The following KIAA1217 variants were observed in gnomAD, a reference collection of about 807,000 sequenced individuals.
The protein encoded by KIAA1217 is sickle tail protein homolog.
KIAA1217 carries 88 observed loss-of-function variants against 163.9 expected under a neutral mutation model. The observed-to-expected ratio is 0.54, with a 90% CI of 0.45 to 0.64. The LOEUF (loss-of-function observed/expected upper bound fraction) is 0.64. Ranked by LOEUF, KIAA1217 falls within the 30% of genes least tolerant of loss-of-function variation. The probability of loss-of-function intolerance (pLI) is 0.00; values close to 1 mark genes in which losing one functional copy is unlikely to be tolerated. For missense variants in KIAA1217, 2,372 were observed against 2,475.0 expected (o/e 0.96, Z 0.88); for synonymous variants, 903 against 923.1 (o/e 0.98, Z 0.39).
At chr10:24,538,385 G>A (rs1446306765) in intron 17 of KIAA1217, among the ~76,000 whole-genome samples, 2 of 152,042 alleles carry the variant, frequency 1.3e-5, no homozygotes, top group African/African-American at 2.4e-5. Flanking sequence ...TGTTTCTCAT[G>A]AAGAAAACCT....
intron 2 of KIAA1217, among the ~76,000 whole-genome samples, chr10:24,343,810 T>A (rs1478470778): frequency 6.6e-6 from 1 of 152,228 alleles, no homozygotes; most frequent in Non-Finnish European, 1.5e-5. Flanking sequence ...GCCAAGTGGC[T>A]AGTCAACAGT....
chr10:24,094,713 G>A (rs1020674046), intron 2 of KIAA1217, among the ~76,000 whole-genome samples: 4 of 152,300 alleles, frequency 2.6e-5, no homozygotes, highest in South Asian at 4.1e-4. Context: ...GCAGTCTGCC[G>A]GTTCTCAGAT....
At chr10:24,194,410 C>A (rs578140075) in intron 2 of KIAA1217, among the ~76,000 whole-genome samples, 210 of 147,662 alleles carry the variant, frequency 1.4e-3, no homozygotes, top group African/African-American at 5.0e-3. Context: ...AGACCTCAAC[C>A]TCCTGGCCTC....
chr10:24,309,341 C>CGT (rs1564446935), intron 2 of KIAA1217, among the ~76,000 whole-genome samples: 2 of 57,228 alleles, frequency 3.5e-5, no homozygotes, highest in African/African-American at 1.0e-4. Flanking sequence ...GGCGCGCGCA[C>CGT]GCGCGCGCGC....
intron 5 of KIAA1217, chr10:24,466,834 T>G: frequency 2.1e-6 from 2 of 969,038 alleles, no homozygotes; most frequent in Non-Finnish European, 2.5e-6. Context: ...TGTCTTAAGA[T>G]TCCATTTCAG....
chr10:24,537,849 AT>A (rs1261751182), intron 17 of KIAA1217, among the ~76,000 whole-genome samples: 1 of 152,200 alleles, frequency 6.6e-6, no homozygotes, highest in Non-Finnish European at 1.5e-5. Flanking sequence ...CTGTCATTGT[AT>A]AAGTAAGCAC....
chr10:24,218,108 T>TGAAGAGAG (rs1223143651), intron 1 of KIAA1217, among the ~76,000 whole-genome samples: 53 of 152,222 alleles, frequency 3.5e-4, no homozygotes, highest in Admixed American at 1.4e-3. Flanking sequence ...CCTGACTTCA[T>TGAAGAGAG]GAAGAGAGCC....
intron 3 of KIAA1217, among the ~76,000 whole-genome samples, chr10:24,412,998 T>A (rs914054395): frequency 6.6e-6 from 1 of 152,254 alleles, no homozygotes; most frequent in African/African-American, 2.4e-5. Context: ...TCTTTACTCA[T>A]CTTTCGATCT....
Position 24,195,359 on chromosome 10 carries a change from C to A in KIAA1217, c.-170-24267C>A, listed in dbSNP as rs542253490. ...ATTAGGAGATGGCTCAGGAGTATTT[C>A]TCCTTGTTCCAGCTGAAGCCCAAAT... is the stretch of plus-strand genomic sequence containing the variant. On this transcript the variant is annotated intron_variant, in intron 2 of 18. Transcript: ENST00000376462. Among the ~76,000 whole-genome samples the A allele has an allele frequency of 2.6e-5, 4 of 152,292 alleles. No individual in the cohort carries two copies. The East Asian group carries it at 7.7e-4, about 29-fold the overall frequency.
At position 23,702,666 on chromosome 10, in the gene KIAA1217, TACACACACACAC is replaced by T. The variant is rs377621544; in HGVS notation, c.-321+7464_-321+7475del. ...TAGTTTACTTAACAGAACAGGAGAA[TACACACACACAC>T]ACACACACACACACACACACACACA... is the stretch of plus-strand genomic sequence containing the variant. On this transcript the variant is annotated intron_variant, in intron 1 of 18. Transcript: ENST00000376462. Among the ~76,000 whole-genome samples, 331 of 134,418 alleles carry T rather than the reference TACACACACACAC, an allele frequency of 2.5e-3. 3 individuals are homozygous for T. The highest frequency in any genetic ancestry group is 0.023 in the South Asian group (92 of 3,992). 88.2% of individuals were successfully genotyped at this position (134,418 alleles called of 152,430 possible).
rs376492073 is a variant in KIAA1217, at chr10:23,950,418, A to G, written c.-320-56807A>G. On this transcript the variant is annotated intron_variant, in intron 1 of 18. Coordinates refer to the KIAA1217 transcript ENST00000376462. ...TTTTTTTTTATTTTTTTCCCTTGGA[A>G]TGTAATCTCATCATTTCTAATCCAC... 5.3e-5 allele frequency among the ~76,000 whole-genome samples: 8 copies of G among 151,074 alleles called. No homozygotes were observed. The South Asian group carries it at 8.5e-4, about 16-fold the overall frequency.
intron 6 of KIAA1217, among the ~76,000 whole-genome samples, chr10:24,492,175 C>A (rs1369684596): frequency 6.6e-6 from 1 of 152,146 alleles, no homozygotes; most frequent in African/African-American, 2.4e-5. Context: ...GTCTGTGCCC[C>A]CCATGTGGCA....
At chr10:24,207,064 C>A (rs554802774), upstream of KIAA1217, among the ~76,000 whole-genome samples, 1 of 152,208 alleles carries the variant, frequency 6.6e-6, no homozygotes, top group South Asian at 2.1e-4. Context: ...GGCCCTGGGG[C>A]AGGGTGCTGT....
chr10:24,003,034 T>C (rs551147983), intron 1 of KIAA1217, among the ~76,000 whole-genome samples: 1 of 152,364 alleles, frequency 6.6e-6, no homozygotes, highest in Admixed American at 6.5e-5. Flanking sequence ...TTCCACATTT[T>C]CTTAATCCAT....
At chr10:24,059,571 TTTTGTTTG>T (rs977298462) in intron 2 of KIAA1217, among the ~76,000 whole-genome samples, 1 of 151,986 alleles carries the variant, frequency 6.6e-6, no homozygotes. Context: ...TATGCCAGTT[TTTTGTTTG>T]TTTGTTTGTT....
rs138739389 is a variant in KIAA1217, at chr10:24,032,750, C to T, written c.-171+25376C>T. Reference sequence around the variant, plus strand: ...TAAGAATAACTTTTAAGTCACCCAGCGCTTTGGGGTTGTTGTGCTTTAATG... The same window carrying T: ...TAAGAATAACTTTTAAGTCACCCAGTGCTTTGGGGTTGTTGTGCTTTAATG... On this transcript the variant is annotated intron_variant, in intron 2 of 18. Coordinates refer to the KIAA1217 transcript ENST00000376462. Among the ~76,000 whole-genome samples the T allele has an allele frequency of 2.8e-3, 419 of 152,214 alleles. 1 individual carries two copies. The highest frequency in any genetic ancestry group is 9.0e-3 in the African/African-American group (374 of 41,546).
chr10:23,844,826 G>T (rs1318287039), intron 1 of KIAA1217, among the ~76,000 whole-genome samples: 1 of 151,798 alleles, frequency 6.6e-6, no homozygotes, highest in African/African-American at 2.4e-5. Context: ...TGCCATGGTG[G>T]TTTGCTGCAC....
At chr10:24,325,483 T>C in intron 2 of KIAA1217, among the ~76,000 whole-genome samples, 1 of 152,144 alleles carries the variant, frequency 6.6e-6, no homozygotes, top group East Asian at 1.9e-4. Context: ...AACCCACAGA[T>C]GAGGTCCAGA....
intron 5 of KIAA1217, among the ~76,000 whole-genome samples, chr10:24,444,455 T>C (rs1401305009): frequency 6.6e-6 from 1 of 152,216 alleles, no homozygotes; most frequent in African/African-American, 2.4e-5. Flanking sequence ...CATTGTGTTA[T>C]AATCATTTAG....
Sources: allele counts gnomAD v4.1 joint callset (sites outside exome capture counted in the v4.1 genomes callset), GRCh38; gene constraint gnomAD v4.1.1; transcripts MANE v1.5; gene names NCBI Gene and HGNC (gene_info 2026-07-23, HGNC 2026-07-21).